The following FAM13B variants were observed in gnomAD, a reference collection of about 807,000 sequenced individuals.
FAM13B encodes the protein family with sequence similarity 13 member B.
Under a neutral mutation model 117.3 loss-of-function variants are expected in FAM13B, and 60 were observed. The observed-to-expected ratio is 0.51, with a 90% CI of 0.42 to 0.63. FAM13B has a LOEUF of 0.63. FAM13B is among the 30% of genes least tolerant of loss of function. The pLI, the probability that FAM13B is intolerant of heterozygous loss-of-function variation, is 0.00. For synonymous variants in FAM13B, 332 were observed against 356.1 expected (o/e 0.93, Z 0.76); for missense variants, 972 against 1,091.9 (o/e 0.89, Z 1.55).
Position 137,952,708 on chromosome 5 carries a change from G to T in FAM13B, c.1850C>A (p.Pro617His). ...EQFERERNSKPSYSDIAANPK... is the reference protein window; with the variant it reads ...EQFERERNSKHSYSDIAANPK... ...ATTGGCAGCAATATCACTGTAGGAG[G>T]GCTGAAAAATTATGGAGCAGAATCA... Residue 617 changes from proline (P) to histidine (H), a missense_variant and splice_region_variant, in exon 17 of 24, where the codon CCC (proline) becomes CAC (histidine). Coordinates refer to ENST00000689681, the MANE Select transcript of FAM13B (RefSeq NM_001385994.1). 6.3e-7 allele frequency: 1 copy of T among 1,590,588 alleles called. No individual in the cohort carries two copies. The highest frequency in any genetic ancestry group is 8.6e-7 in the Non-Finnish European group (1 of 1,167,550).
chr5:137,963,239 A>C (rs1044848934), intron 10 of FAM13B, among the ~76,000 whole-genome samples: 2 of 152,248 alleles, frequency 1.3e-5, no homozygotes, highest in Admixed American at 1.3e-4. Flanking sequence ...AGGCTGTCTC[A>C]TATGCTTCAA....
At chr5:138,023,601 T>A (rs1787372616) in intron 1 of FAM13B, among the ~76,000 whole-genome samples, 1 of 152,204 alleles carries the variant, frequency 6.6e-6, no homozygotes, top group Admixed American at 6.5e-5. Flanking sequence ...TTTCTTTTTT[T>A]GAGACAGGCT....
chr5:138,048,095 A>T (rs1429891190), intron 1 of FAM13B, among the ~76,000 whole-genome samples: 1 of 152,210 alleles, frequency 6.6e-6, no homozygotes, highest in African/African-American at 2.4e-5. Context: ...GAAATCCAAA[A>T]AAACAAAAAA....
Position 137,943,118 on chromosome 5 carries a change from TCTTTA to T in FAM13B, c.2424+10_2424+14del, listed in dbSNP as rs1243954212. 6.2e-7 allele frequency: 1 copy of T among 1,613,704 alleles called. No individual in the cohort carries two copies. Among genetic ancestry groups the T allele is most frequent in the Admixed American group, 1.7e-5 (1 of 60,002 alleles). ...TTAGGGAAGGGATCAGATAATTATT[TCTTTA>T]AAGGATTACCTTGATTTCTTCAAAA... On this transcript the variant is annotated intron_variant, in intron 21 of 23. Coordinates refer to ENST00000689681, the MANE Select transcript of FAM13B (RefSeq NM_001385994.1).
chr5:138,048,574 A>G (rs555393304), intron 1 of FAM13B, among the ~76,000 whole-genome samples: 1 of 152,276 alleles, frequency 6.6e-6, no homozygotes, highest in South Asian at 2.1e-4. Flanking sequence ...TTTGTACCCA[A>G]GGAAAAAGCT....
intron 4 of FAM13B, among the ~76,000 whole-genome samples, chr5:138,017,031 C>T (rs944558257): frequency 1.6e-4 from 24 of 152,124 alleles, no homozygotes; most frequent in Admixed American, 4.6e-4. Flanking sequence ...AACAAAAAAG[C>T]GTAATTTTGG....
At chr5:137,983,375 G>C (rs1468063187) in intron 10 of FAM13B, among the ~76,000 whole-genome samples, 4 of 152,038 alleles carry the variant, frequency 2.6e-5, no homozygotes, top group Admixed American at 1.3e-4. Flanking sequence ...CGGAGGAAAG[G>C]ATCACTGCAG....
At chr5:137,969,750 C>T (rs1246544290) in intron 10 of FAM13B, among the ~76,000 whole-genome samples, 1 of 151,894 alleles carries the variant, frequency 6.6e-6, no homozygotes, top group Admixed American at 6.6e-5. Flanking sequence ...ATAACCAATA[C>T]AGAGAAGTGC....
At chr5:137,981,077 ATT>A (rs56799832) in intron 10 of FAM13B, among the ~76,000 whole-genome samples, 29,454 of 60,668 alleles carry the variant, frequency 0.49, 6,284 homozygotes, top group Middle Eastern at 0.57. Context: ...ACACCTGGCT[ATT>A]TTTTTTTTTT....
chr5:138,031,238 A>C (rs1445744595), intron 1 of FAM13B, among the ~76,000 whole-genome samples: 1 of 152,216 alleles, frequency 6.6e-6, no homozygotes, highest in African/African-American at 2.4e-5. Context: ...CTAATAAAAA[A>C]AACTAACATT....
At chr5:138,006,922 ATGC>A in intron 7 of FAM13B, 65 bp downstream of exon 7, 1 of 1,416,902 alleles carries the variant, frequency 7.1e-7, no homozygotes, top group Non-Finnish European at 9.4e-7. Flanking sequence ...GTGTTTCTGA[ATGC>A]TGGAGTGAGT....
At chr5:138,012,920 T>G (rs527341966) in intron 4 of FAM13B, among the ~76,000 whole-genome samples, 143 of 152,078 alleles carry the variant, frequency 9.4e-4, no homozygotes, top group African/African-American at 3.3e-3. Context: ...AAAAAAAAAT[T>G]TGGCCTTGTA....
At chr5:137,963,650 C>T (rs1001139551) in intron 10 of FAM13B, among the ~76,000 whole-genome samples, 17 of 152,134 alleles carry the variant, frequency 1.1e-4, no homozygotes, top group African/African-American at 4.1e-4. Flanking sequence ...GTCCCCAACC[C>T]CTGGACCGGT....
intron 11 of FAM13B, 34 bp from the exon 12 acceptor site, chr5:137,960,248 G>C: frequency 8.2e-7 from 1 of 1,213,984 alleles, no homozygotes. Flanking sequence ...AGTATATTAA[G>C]AATAAAAAGG....
At chr5:137,956,074 C>T (rs1766458877) in intron 14 of FAM13B, among the ~76,000 whole-genome samples, 1 of 152,150 alleles carries the variant, frequency 6.6e-6, no homozygotes, top group Admixed American at 6.5e-5. Flanking sequence ...AAGATCGCTG[C>T]TTTAGTAATT....
At chr5:138,000,337 T>C (rs1780906988) in intron 7 of FAM13B, among the ~76,000 whole-genome samples, 1 of 152,122 alleles carries the variant, frequency 6.6e-6, no homozygotes, top group Non-Finnish European at 1.5e-5. Flanking sequence ...AGGTCAAGGC[T>C]GTAGTGAGTC....
intron 7 of FAM13B, among the ~76,000 whole-genome samples, chr5:137,995,530 T>A (rs1198722097): frequency 6.6e-6 from 1 of 152,242 alleles, no homozygotes; most frequent in Admixed American, 6.5e-5. Flanking sequence ...AGCTTCCAGA[T>A]GAGTCATGCT....
At position 137,939,738 on chromosome 5, in the gene FAM13B, A is replaced by G; in HGVS notation, c.*487T>C. 1.9e-6 allele frequency: 1 copy of G among 523,426 alleles called. No individual in the cohort carries two copies. The highest frequency in any genetic ancestry group is 2.5e-6 in the Non-Finnish European group (1 of 393,726). The allele number at this position is 523,426 out of a possible 1,614,324, so 32.4% of individuals were successfully genotyped here. On this transcript the variant is annotated 3_prime_UTR_variant, in exon 24 of 24. Transcript: ENST00000689681. ...TCAGTTTGATTTTGGTTTTCTAGGA[A>G]AACAGAGAACACAGTTGCGTATGTG... is the stretch of plus-strand genomic sequence containing the variant.
At chr5:137,994,865 T>C (rs1779477625) in intron 7 of FAM13B, among the ~76,000 whole-genome samples, 1 of 152,228 alleles carries the variant, frequency 6.6e-6, no homozygotes, top group Admixed American at 6.5e-5. Context: ...TTGCAACCAC[T>C]TACTCCAGTC....
Sources: allele counts gnomAD v4.1 joint callset (sites outside exome capture counted in the v4.1 genomes callset), GRCh38; gene constraint gnomAD v4.1.1; transcripts MANE v1.5; gene names NCBI Gene and HGNC (gene_info 2026-07-23, HGNC 2026-07-21).